Variants in IBA57 observed in about 807,000 individuals in gnomAD.
IBA57 encodes iron-sulfur cluster assembly factor IBA57, mitochondrial.
IBA57 carries 20 observed loss-of-function variants against 20.4 expected under a neutral mutation model. That is an observed-to-expected ratio of 0.98 (90% CI 0.69 to 1.42). The LOEUF is 1.42. Among genes scored for constraint, IBA57 ranks in the 40% most tolerant of loss-of-function variants. IBA57 has a pLI of 0.00. For synonymous variants in IBA57, 310 were observed against 233.9 expected (o/e 1.33, Z -2.97); for missense variants, 608 against 499.3 (o/e 1.22, Z -2.07).
At chr1:228,169,327 G>T (rs187486917) in intron 1 of IBA57, among the ~76,000 whole-genome samples, 1 of 152,204 alleles carries the variant, frequency 6.6e-6, no homozygotes, top group East Asian at 1.9e-4. Flanking sequence ...CTGAGCCATC[G>T]CTTCCTTAAA....
rs2035056555 is a variant in IBA57 at position 228,178,228 on chromosome 1, G to A, written c.*2715G>A. On this transcript the variant is annotated 3_prime_UTR_variant, in exon 3 of 3. Transcript: ENST00000366711. The stretch of plus-strand genomic sequence containing the variant: ...GTGTTTGACTGTCTGTTTCTGAGCT[G>A]TTTTACTTAACACAGTGTATATGGT... 1 of 152,216 alleles carries A rather than the reference G, an allele frequency of 6.6e-6. No homozygotes were observed. The highest frequency in any genetic ancestry group is 6.5e-5 in the Admixed American group (1 of 15,280). The allele number at this position is 152,216 out of a possible 1,614,324, so 9.4% of individuals were successfully genotyped here. A position where few individuals can be genotyped will look rare whatever the true frequency, so the allele number is the denominator to read the frequency against.
Position 228,177,404 on chromosome 1 carries a change from A to G in IBA57, c.*1891A>G, listed in dbSNP as rs1309399060. On this transcript the variant is annotated 3_prime_UTR_variant, in exon 3 of 3. Transcript: ENST00000366711. Reference sequence around the variant, plus strand: ...CGCCTGAGCCATCCTGTGCCCCCTCAGTGTCTTCAGGTCTCTGCAGGTGTC... The same window carrying G: ...CGCCTGAGCCATCCTGTGCCCCCTCGGTGTCTTCAGGTCTCTGCAGGTGTC... The G allele has an allele frequency of 1.3e-5, 2 of 151,036 alleles. No individual in the cohort carries two copies. Among genetic ancestry groups the G allele is most frequent in the Admixed American group, 1.3e-4 (2 of 15,180 alleles). The allele number at this position is 151,036 out of a possible 1,614,324, so 9.4% of individuals were successfully genotyped here.
In IBA57 at chr1:228,172,169, G is replaced by A. The variant is rs564849143; in HGVS notation, c.342-2523G>A. The A allele has an allele frequency of 1.4e-4, 21 of 150,250 alleles. 1 individual carries two copies. In the South Asian group the frequency reaches 4.0e-3, roughly 29 times the overall value. The allele number at this position is 150,250 out of a possible 1,614,324, so 9.3% of individuals were successfully genotyped here. On this transcript the variant is annotated intron_variant, in intron 1 of 2. Transcript: ENST00000366711. Reference sequence around the variant, plus strand: ...CAAAAAAAAAAACAAAACAAAACCCGTGGGAGAGATCGCACGGACCCCTCC... The same window carrying A: ...CAAAAAAAAAAACAAAACAAAACCCATGGGAGAGATCGCACGGACCCCTCC...
In IBA57 at chr1:228,178,680, A is replaced by G. The variant is rs1253011112; in HGVS notation, c.*3167A>G. On this transcript the variant is annotated 3_prime_UTR_variant, in exon 3 of 3. Transcript: ENST00000366711. ...ACTGTGAGAAACCCACCTCCAAATC[A>G]GGCCTTAGATAGAAAACATCCTAAG... 1 of 152,254 alleles carries G rather than the reference A, an allele frequency of 6.6e-6. No homozygotes were observed. Among genetic ancestry groups the G allele is most frequent in the African/African-American group, 2.4e-5 (1 of 41,454 alleles). 9.4% of individuals were successfully genotyped at this position (152,254 alleles called of 1,614,324 possible). A position where few individuals can be genotyped will look rare whatever the true frequency, so the allele number is the denominator to read the frequency against.
At position 228,174,833 on chromosome 1, in the gene IBA57, G is replaced by T. The variant is rs746903815; in HGVS notation, c.483G>T (p.Ala161=). Residue 161 remains alanine, a synonymous_variant, in exon 2 of 3, where the codon GCG becomes GCT. Transcript: ENST00000366711. ...CGCACCCGGAGCTGCGAGTGTGGGCGGTGTTGCCCAGTTCCCCTGAGGCCT... is the reference window on the plus strand; with the variant it reads ...CGCACCCGGAGCTGCGAGTGTGGGCTGTGTTGCCCAGTTCCCCTGAGGCCT... The part of the protein sequence containing the change: ...VEPHPELRVW[A]VLPSSPEACG... 6.2e-6 allele frequency: 10 copies of T among 1,610,312 alleles called. No homozygotes were observed. Among genetic ancestry groups the T allele is most frequent in the African/African-American group, 1.3e-5 (1 of 75,022 alleles).
rs2034916020 is a variant in IBA57, at chr1:228,170,892, C to T, written c.342-3800C>T. On this transcript the variant is annotated intron_variant, in intron 1 of 2. Transcript: ENST00000366711. The surrounding 1 kb of genome is among the most constrained non-coding windows in gnomAD (Gnocchi z 4.8). The stretch of plus-strand genomic sequence containing the variant: ...GGTCCCAGAGCAGTGTTTTCCTGAA[C>T]ATGACTGGAAACCCTTGGATCTGAT... 6.6e-6 allele frequency among the ~76,000 whole-genome samples: 1 copy of T among 152,094 alleles called. No homozygotes were observed. Among genetic ancestry groups the T allele is most frequent in the Admixed American group, 6.6e-5 (1 of 15,260 alleles).
intron 1 of IBA57, among the ~76,000 whole-genome samples, chr1:228,168,880 T>C (rs540547878): frequency 6.6e-6 from 1 of 152,280 alleles, no homozygotes; most frequent in East Asian, 1.9e-4. Context: ...GTAATAATAC[T>C]TGAAACCCTC....
At position 228,179,849 on chromosome 1, in the gene IBA57, G is replaced by C. The variant is rs2035079623; in HGVS notation, c.*4336G>C. The C allele has an allele frequency of 6.6e-6, 1 of 152,130 alleles. No homozygotes were observed. Among genetic ancestry groups the C allele is most frequent in the African/African-American group, 2.4e-5 (1 of 41,406 alleles). 9.4% of individuals were successfully genotyped at this position (152,130 alleles called of 1,614,324 possible). A position where few individuals can be genotyped will look rare whatever the true frequency, so the allele number is the denominator to read the frequency against. Reference sequence around the variant, plus strand: ...GTGATAGCCTAGAATTGTGTACCCAGAAAATCCGTCTTTCAAGAATGAGGG... The same window carrying C: ...GTGATAGCCTAGAATTGTGTACCCACAAAATCCGTCTTTCAAGAATGAGGG... On this transcript the variant is annotated 3_prime_UTR_variant, in exon 3 of 3. Coordinates refer to ENST00000366711, the MANE Select transcript of IBA57 (RefSeq NM_001010867.4).
chr1:228,173,379 C>A (rs1342456539), intron 1 of IBA57: 1 of 142,630 alleles, frequency 7.0e-6, no homozygotes, highest in African/African-American at 2.6e-5. Flanking sequence ...GTGGCTGTAC[C>A]CCAGGTGTCT....
intron 1 of IBA57, among the ~76,000 whole-genome samples, chr1:228,169,135 CTG>C (rs1422736558): frequency 6.6e-6 from 1 of 152,102 alleles, no homozygotes; most frequent in Non-Finnish European, 1.5e-5. Flanking sequence ...ACCTCCCTCT[CTG>C]TGGTTTGCCC....
intron 1 of IBA57, among the ~76,000 whole-genome samples, chr1:228,166,781 C>G (rs2034859262): frequency 6.6e-6 from 1 of 152,168 alleles, no homozygotes; most frequent in Non-Finnish European, 1.5e-5. Context: ...TTTCCCTTGC[C>G]CAGCTTCCAG....
rs1167981244 is a variant in IBA57 at position 228,170,447 on chromosome 1, C to T, written c.342-4245C>T. Among the ~76,000 whole-genome samples, 6 of 152,160 alleles carry T rather than the reference C, an allele frequency of 3.9e-5. No homozygotes were observed. The highest frequency in any genetic ancestry group is 6.5e-5 in the Admixed American group (1 of 15,270). ...TCCTGGGCTCAAGTGATCCTCCCAC[C>T]TCAGCCTCCCAAGTAGCCAGGACTA... On this transcript the variant is annotated intron_variant, in intron 1 of 2. Coordinates refer to ENST00000366711, the MANE Select transcript of IBA57 (RefSeq NM_001010867.4). This position sits in a 1 kb window ranked among gnomAD's most constrained non-coding sequence, Gnocchi z 4.8.
At chr1:228,166,480 C>T (rs1320079018) in intron 1 of IBA57, among the ~76,000 whole-genome samples, 1 of 152,158 alleles carries the variant, frequency 6.6e-6, no homozygotes, top group Admixed American at 6.5e-5. Context: ...GCCTGGGGGC[C>T]AGCCCACCAT....
Position 228,175,484 on chromosome 1 carries a change from C to A in IBA57, c.1042C>A (p.Pro348Thr). Reference protein sequence around the residue: ...GAQVALAASVPDWWPTVSK With the variant: ...GAQVALAASVTDWWPTVSK ...CCAGGTGGCCTTAGCCGCATCTGTG[C>A]CAGACTGGTGGCCTACAGTCTCCAA... is the stretch of plus-strand genomic sequence containing the variant. The change falls in exon 3 of 3, where the codon CCA (proline) becomes ACA (threonine). Residue 348 changes from proline to threonine, a missense_variant. By Grantham distance (38) the Pro-to-Thr change is conservative. Coordinates refer to ENST00000366711, the MANE Select transcript of IBA57 (RefSeq NM_001010867.4). 1 of 1,588,272 alleles carries A rather than the reference C, an allele frequency of 6.3e-7. No homozygotes were observed. Among genetic ancestry groups the A allele is most frequent in the Non-Finnish European group, 8.6e-7 (1 of 1,165,308 alleles).
At position 228,181,672 on chromosome 1, in the gene IBA57, C is replaced by T. The variant is rs745694922; in HGVS notation, c.*6159C>T. 1 of 152,256 alleles carries T rather than the reference C, an allele frequency of 6.6e-6. No homozygotes were observed. Among genetic ancestry groups the T allele is most frequent in the Non-Finnish European group, 1.5e-5 (1 of 68,046 alleles). 9.4% of individuals were successfully genotyped at this position (152,256 alleles called of 1,614,324 possible). On this transcript the variant is annotated 3_prime_UTR_variant, in exon 3 of 3. Transcript: ENST00000366711. Reference sequence around the variant, plus strand: ...CACAGGGCAGGAAAACTCAGTGTTGCTAGGAACTGCCAGACATTTTCCCGG... The same window carrying T: ...CACAGGGCAGGAAAACTCAGTGTTGTTAGGAACTGCCAGACATTTTCCCGG...
chr1:228,171,535 G>C (rs1295448515), intron 1 of IBA57: 2 of 152,498 alleles, frequency 1.3e-5, no homozygotes, highest in Non-Finnish European at 2.9e-5. Context: ...GCAGCAGGGG[G>C]TGTCAGCATG....
chr1:228,179,841 T>G lies in IBA57; in HGVS notation c.*4328T>G, dbSNP rs1290183615. Reference sequence around the variant, plus strand: ...AGAAAATAGTGATAGCCTAGAATTGTGTACCCAGAAAATCCGTCTTTCAAG... The same window carrying G: ...AGAAAATAGTGATAGCCTAGAATTGGGTACCCAGAAAATCCGTCTTTCAAG... On this transcript the variant is annotated 3_prime_UTR_variant, in exon 3 of 3. Transcript: ENST00000366711. 3 of 152,150 alleles carry G rather than the reference T, an allele frequency of 2.0e-5. No individual in the cohort carries two copies. The highest frequency in any genetic ancestry group is 3.8e-4 in the East Asian group (2 of 5,198). 9.4% of individuals were successfully genotyped at this position (152,150 alleles called of 1,614,324 possible).
chr1:228,175,106 C>T lies in IBA57; in HGVS notation c.680-16C>T, dbSNP rs375467747. ...ATGTTCAATTCTCGCTGGTTTCCCC[C>T]CTCCAATCCCTGCAGGCGTTCCTGA... On this transcript the variant is annotated splice_polypyrimidine_tract_variant and intron_variant, in intron 2 of 2. Transcript: ENST00000366711. 3 of 1,605,312 alleles carry T rather than the reference C, an allele frequency of 1.9e-6. No homozygotes were observed. Among genetic ancestry groups the T allele is most frequent in the East Asian group, 2.2e-5 (1 of 44,782 alleles).
chr1:228,166,618 TGTGGTGACACTCCC>T (rs1445715358), intron 1 of IBA57, among the ~76,000 whole-genome samples: 1 of 152,200 alleles, frequency 6.6e-6, no homozygotes, highest in East Asian at 1.9e-4. Flanking sequence ...AGTGACAGCT[TGTGGTGACACTCCC>T]GAGTTCTGTT....
Sources: allele counts gnomAD v4.1 joint callset (sites outside exome capture counted in the v4.1 genomes callset), GRCh38; gene constraint gnomAD v4.1.1; non-coding constraint Gnocchi (gnomAD v3.1); transcripts MANE v1.5; gene names NCBI Gene and HGNC (gene_info 2026-07-23, HGNC 2026-07-21).